Variants in DPP10 observed in about 807,000 individuals in gnomAD.
The protein encoded by DPP10 is dipeptidyl peptidase like 10, also known as inactive dipeptidyl peptidase 10.
A neutral mutation model predicts 120.9 loss-of-function variants in DPP10; 33 were observed. The ratio of observed to expected loss-of-function variants is 0.27; its 90% CI spans 0.21 to 0.37. The LOEUF is 0.37. Among genes scored for constraint, DPP10 ranks in the 10% least tolerant of loss-of-function variants. DPP10 has a pLI of 1.00. For synonymous variants in DPP10, 337 were observed against 326.1 expected (o/e 1.03, Z -0.36); for missense variants, 816 against 942.8 (o/e 0.87, Z 1.76).
chr2:114,554,770 C>A (rs1688155608), intron 1 of DPP10, among the ~76,000 whole-genome samples: 1 of 152,240 alleles, frequency 6.6e-6, no homozygotes, highest in African/African-American at 2.4e-5. Context: ...CAAAGGTTTT[C>A]AGTGCACCTT....
In DPP10 at chr2:115,369,836, C is replaced by T. The variant is rs540712526; in HGVS notation, c.271+25924C>T. ...TGTCTTATTTCTCTCTTCTATGATT[C>T]AATTTATTGGCTGATTATTCTGCCC... is the stretch of plus-strand genomic sequence containing the variant. On this transcript the variant is annotated intron_variant, in intron 3 of 25. Transcript: ENST00000410059. Among the ~76,000 whole-genome samples the T allele has an allele frequency of 2.0e-5, 3 of 152,178 alleles. No individual in the cohort carries two copies. In the East Asian group the frequency reaches 5.8e-4, roughly 29 times the overall value.
intron 1 of DPP10, among the ~76,000 whole-genome samples, chr2:114,581,165 T>C (rs563966878): frequency 1.4e-5 from 2 of 143,214 alleles, no homozygotes; most frequent in East Asian, 2.1e-4. Context: ...ATTTTCTTTT[T>C]TTCTTCTCTT....
At chr2:115,298,629 T>A (rs2060992402) in intron 1 of DPP10, among the ~76,000 whole-genome samples, 2 of 152,018 alleles carry the variant, frequency 1.3e-5, no homozygotes, top group Non-Finnish European at 2.9e-5. Flanking sequence ...AAGCTGACCA[T>A]ATTTTGAGTA....
chr2:114,958,912 T>C (rs1157033783), intron 1 of DPP10, among the ~76,000 whole-genome samples: 1 of 152,234 alleles, frequency 6.6e-6, no homozygotes, highest in East Asian at 1.9e-4. Context: ...GGGTAACTCA[T>C]TGATGTAGAT....
rs367910049 is a variant in DPP10 at position 114,926,881 on chromosome 2, C to T, written c.61-382358C>T. 4.0e-4 allele frequency among the ~76,000 whole-genome samples: 57 copies of T among 142,462 alleles called. No individual in the cohort carries two copies. The East Asian group carries it at 5.6e-3, about 14-fold the overall frequency. 93.5% of individuals were successfully genotyped at this position (142,462 alleles called of 152,430 possible). A position where few individuals can be genotyped will look rare whatever the true frequency, so the allele number is the denominator to read the frequency against. On this transcript the variant is annotated intron_variant, in intron 1 of 25. Coordinates refer to ENST00000410059, the MANE Select transcript of DPP10 (RefSeq NM_020868.6). ...TTTTTTTTTTTTTGAGACAGAGTCT[C>T]GCTATGTCCCCCAGGCTGGAGAGCA...
chr2:115,250,559 G>T (rs2058711378), intron 1 of DPP10, among the ~76,000 whole-genome samples: 1 of 152,152 alleles, frequency 6.6e-6, no homozygotes, highest in East Asian at 1.9e-4. Flanking sequence ...GAGGCCATGG[G>T]ATGTGGCAAT....
At chr2:114,612,914 T>G (rs1693394044) in intron 1 of DPP10, among the ~76,000 whole-genome samples, 1 of 152,202 alleles carries the variant, frequency 6.6e-6, no homozygotes, top group African/African-American at 2.4e-5. Context: ...TACCTGTTAT[T>G]TTTACAAAAG....
At chr2:115,236,769 T>C (rs2058027608) in intron 1 of DPP10, among the ~76,000 whole-genome samples, 1 of 151,000 alleles carries the variant, frequency 6.6e-6, no homozygotes, top group African/African-American at 2.4e-5. Context: ...GCAAGAGGTA[T>C]TTATGAGGTG....
chr2:114,696,009 C>G (rs186442510), intron 1 of DPP10, among the ~76,000 whole-genome samples: 2 of 151,946 alleles, frequency 1.3e-5, no homozygotes, highest in African/African-American at 2.4e-5. Flanking sequence ...TATACATGAA[C>G]TTTATCAGTT....
intron 4 of DPP10, among the ~76,000 whole-genome samples, chr2:115,509,600 A>G (rs2077121031): frequency 6.6e-6 from 1 of 152,142 alleles, no homozygotes; most frequent in African/African-American, 2.4e-5. Flanking sequence ...TCCTAGGTGG[A>G]GGTTACAGTG....
At chr2:115,617,815 T>C (rs912082887) in intron 5 of DPP10, among the ~76,000 whole-genome samples, 1 of 152,162 alleles carries the variant, frequency 6.6e-6, no homozygotes, top group African/African-American at 2.4e-5. Flanking sequence ...TTTTCCTTTA[T>C]GTCCATACCT....
intron 1 of DPP10, among the ~76,000 whole-genome samples, chr2:115,072,129 G>A (rs571403928): frequency 1.8e-4 from 27 of 152,172 alleles, no homozygotes; most frequent in African/African-American, 5.8e-4. Context: ...GTCACAGATT[G>A]GAAATGGAAT....
chr2:114,624,158 G>A (rs1364989026), intron 1 of DPP10, among the ~76,000 whole-genome samples: 3 of 151,934 alleles, frequency 2.0e-5, no homozygotes, highest in Admixed American at 2.0e-4. Flanking sequence ...CTTGGGACTA[G>A]AAAAGTCTTC....
At position 114,718,022 on chromosome 2, in the gene DPP10, T is replaced by A. The variant is rs78093318; in HGVS notation, c.60+275184T>A. On this transcript the variant is annotated intron_variant, in intron 1 of 25. Transcript: ENST00000410059. ...CATAGAACTAGAATTGGAGAAATTA[T>A]CTCTTTCTATGTTTCTGGAAAGGCT... Among the ~76,000 whole-genome samples, 440 of 152,246 alleles carry A rather than the reference T, an allele frequency of 2.9e-3. 11 individuals carry two copies. In the East Asian group the frequency reaches 0.064, roughly 22 times the overall value.
intron 3 of DPP10, among the ~76,000 whole-genome samples, chr2:115,416,832 A>T (rs187907400): frequency 6.6e-4 from 101 of 152,288 alleles, no homozygotes; most frequent in Admixed American, 1.2e-3. Flanking sequence ...GCTGCGTTCC[A>T]GTTTCAAAAA....
chr2:114,859,576 A>G (rs369563565), intron 1 of DPP10, among the ~76,000 whole-genome samples: 17 of 152,196 alleles, frequency 1.1e-4, no homozygotes, highest in African/African-American at 3.9e-4. Context: ...AAGAATAGCA[A>G]TAATATATTT....
intron 3 of DPP10, among the ~76,000 whole-genome samples, chr2:115,485,723 G>A (rs891728740): frequency 1.3e-5 from 2 of 152,042 alleles, no homozygotes; most frequent in African/African-American, 4.8e-5. Context: ...CTGTTGTTTA[G>A]ATGTATGAAT....
intron 5 of DPP10, among the ~76,000 whole-genome samples, chr2:115,593,773 C>A (rs938478022): frequency 6.6e-6 from 1 of 152,102 alleles, no homozygotes; most frequent in African/African-American, 2.4e-5. Context: ...ATAGCAGGAC[C>A]AATTTATTTG....
chr2:114,644,826 T>C (rs1328620810), intron 1 of DPP10, among the ~76,000 whole-genome samples: 1 of 151,928 alleles, frequency 6.6e-6, no homozygotes, highest in Non-Finnish European at 1.5e-5. Flanking sequence ...TTAGAGGACG[T>C]GCTACTAACA....
Sources: gnomAD v4.1 joint callset for allele counts (sites outside exome capture counted in the v4.1 genomes callset) on GRCh38, gnomAD v4.1.1 for gene constraint, MANE v1.5 for transcripts, NCBI Gene and HGNC (gene_info 2026-07-23, HGNC 2026-07-21) for gene names.